NOVA1: variants seen among roughly 807,000 people sequenced by gnomAD.
The protein encoded by NOVA1 is NOVA alternative splicing regulator 1, also known as RNA-binding protein Nova-1.
NOVA1 carries 7 observed loss-of-function variants against 38.0 expected under a neutral mutation model. The ratio of observed to expected loss-of-function variants is 0.18; its 90% confidence interval spans 0.10 to 0.35. NOVA1 has a LOEUF of 0.35. Among genes scored for constraint, NOVA1 ranks in the 10% least tolerant of loss-of-function variants. NOVA1 has a pLI of 1.00. For synonymous variants in NOVA1, 270 were observed against 232.5 expected, an observed-to-expected ratio of 1.16 and a Z score of -1.47; for missense variants, 460 against 616.0, an observed-to-expected ratio of 0.75 and a Z score of 2.68.
intron 2 of NOVA1, among the ~76,000 whole-genome samples, chr14:26,486,872 C>T (rs1885958872): frequency 6.6e-6 from 1 of 151,588 alleles, no homozygotes; most frequent in Non-Finnish European, 1.5e-5. Context: ...TACTTTAATG[C>T]TTTCTTCTTA....
chr14:26,595,094 C>T (rs17111429), intron 2 of NOVA1, among the ~76,000 whole-genome samples: 1 of 152,060 alleles, frequency 6.6e-6, no homozygotes, highest in South Asian at 2.1e-4. Flanking sequence ...TCAGAAGAAC[C>T]CTATTTCCTG....
chr14:26,597,336 G>T lies in NOVA1; in HGVS notation c.101C>A (p.Pro34His). Residue 34 changes from proline (P) to histidine (H), a missense_variant, in exon 1 of 5, where the codon CCT (proline) becomes CAT (histidine). By Grantham distance (77) the Pro-to-His change is moderately conservative. Transcript: ENST00000539517. Reference sequence around the variant, plus strand: ...GGTCCTCTTGGTGCTGCCGGCTTCAGGGGGGGCTTCCAGCGGCCTTTTCCG... The same window carrying T: ...GGTCCTCTTGGTGCTGCCGGCTTCATGGGGGGCTTCCAGCGGCCTTTTCCG... Reference protein sequence around the residue: ...DSRKRPLEAPPEAGSTKRTNT... With the variant: ...DSRKRPLEAPHEAGSTKRTNT... 3.2e-6 allele frequency: 4 copies of T among 1,261,256 alleles called. No homozygotes were observed. The East Asian group carries it at 8.9e-5, about 28-fold the overall frequency. 78.1% of individuals were successfully genotyped at this position (1,261,256 alleles called of 1,614,324 possible).
At chr14:26,539,885 C>G (rs1890349529) in intron 2 of NOVA1, among the ~76,000 whole-genome samples, 1 of 151,816 alleles carries the variant, frequency 6.6e-6, no homozygotes, top group Non-Finnish European at 1.5e-5. Flanking sequence ...AAAAAACAAG[C>G]TATCTCTAAA....
intron 2 of NOVA1, among the ~76,000 whole-genome samples, chr14:26,529,113 AATG>A (rs1889511168): frequency 6.6e-6 from 1 of 151,056 alleles, no homozygotes; most frequent in Non-Finnish European, 1.5e-5. Flanking sequence ...TGTAGTATCT[AATG>A]AAGTGGTTAT....
chr14:26,444,071 A>C lies in NOVA1; in HGVS notation c.*3888T>G, dbSNP rs912864754. ...TCAGTGAGGAATCAGCATATAAATCAAGACTGAAATATAAGAATGGATTAA... is the reference window on the plus strand; with the variant it reads ...TCAGTGAGGAATCAGCATATAAATCCAGACTGAAATATAAGAATGGATTAA... On this transcript the variant is annotated 3_prime_UTR_variant, in exon 5 of 5. Coordinates refer to ENST00000539517, the MANE Select transcript of NOVA1 (RefSeq NM_002515.3). The C allele has an allele frequency of 6.6e-6, 1 of 152,118 alleles. No individual in the cohort carries two copies. Among genetic ancestry groups the C allele is most frequent in the South Asian group, 2.1e-4 (1 of 4,832 alleles). 9.4% of individuals were successfully genotyped at this position (152,118 alleles called of 1,614,324 possible).
intron 2 of NOVA1, among the ~76,000 whole-genome samples, chr14:26,582,486 G>A (rs1893282078): frequency 6.6e-6 from 1 of 151,742 alleles, no homozygotes; most frequent in South Asian, 2.1e-4. Context: ...TCACTGCCAA[G>A]ACTCCATAGA....
intron 2 of NOVA1, among the ~76,000 whole-genome samples, chr14:26,523,637 T>C (rs934474680): frequency 4.6e-5 from 7 of 152,184 alleles, no homozygotes; most frequent in Non-Finnish European, 8.8e-5. Flanking sequence ...AGTATGGTTG[T>C]ATACTAATAC....
intron 2 of NOVA1, among the ~76,000 whole-genome samples, chr14:26,501,042 G>A (rs1887210299): frequency 6.6e-6 from 1 of 151,774 alleles, no homozygotes; most frequent in South Asian, 2.1e-4. Flanking sequence ...CCACATTTTT[G>A]CATGTCAAAC....
intron 2 of NOVA1, among the ~76,000 whole-genome samples, chr14:26,584,805 T>C (rs73602001): frequency 0.027 from 4,039 of 151,512 alleles, 173 homozygotes; most frequent in African/African-American, 0.093. Flanking sequence ...CTCCCAAGAC[T>C]CTGACACTAA....
intron 2 of NOVA1, among the ~76,000 whole-genome samples, chr14:26,516,634 T>C (rs1049213867): frequency 2.0e-5 from 3 of 152,198 alleles, no homozygotes; most frequent in Admixed American, 1.3e-4. Context: ...AACTACAGTA[T>C]AAGGTAACAT....
chr14:26,480,261 A>G (rs1185019984), intron 2 of NOVA1, 118 bp from the exon 3 acceptor site: 9 of 785,156 alleles, frequency 1.1e-5, no homozygotes, highest in Non-Finnish European at 1.8e-5. Flanking sequence ...AACGTAAAAC[A>G]TTTAATTGAA....
rs563401938 is a variant in NOVA1 at position 26,597,507 on chromosome 14, C to CTTTTTTTTTTTTT, written c.-84_-72dup. The CTTTTTTTTTTTTT allele has an allele frequency of 5.4e-4, 419 of 782,210 alleles. 2 individuals carry two copies. The highest frequency in any genetic ancestry group is 4.5e-3 in the Admixed American group (20 of 4,470). The allele number at this position is 782,210 out of a possible 1,614,324, so 48.5% of individuals were successfully genotyped here. ...GTTTTGGCTTTTTCTTTTCTTTTTT[C>CTTTTTTTTTTTTT]TTTTTTTTTTTTTTTTTTTTTTGCG... On this transcript the variant is annotated 5_prime_UTR_variant, in exon 1 of 5. Coordinates refer to ENST00000539517, the MANE Select transcript of NOVA1 (RefSeq NM_002515.3).
chr14:26,500,283 C>T (rs1566482009), intron 2 of NOVA1, among the ~76,000 whole-genome samples: 2 of 151,966 alleles, frequency 1.3e-5, no homozygotes, highest in Non-Finnish European at 2.9e-5. Context: ...GCATATGTGT[C>T]AAATACTTAC....
At chr14:26,570,329 G>A (rs1198487955) in intron 2 of NOVA1, among the ~76,000 whole-genome samples, 1 of 151,820 alleles carries the variant, frequency 6.6e-6, no homozygotes, top group East Asian at 1.9e-4. Flanking sequence ...CCTGGGCAAC[G>A]GAGTGAGACT....
intron 2 of NOVA1, 147 bp from the exon 3 acceptor site, chr14:26,480,290 T>C: frequency 1.5e-6 from 1 of 679,762 alleles, no homozygotes; most frequent in Non-Finnish European, 2.4e-6. Flanking sequence ...AATATATACA[T>C]GTCTCTTCTC....
chr14:26,564,161 C>G (rs574951474), intron 2 of NOVA1, among the ~76,000 whole-genome samples: 2 of 152,112 alleles, frequency 1.3e-5, no homozygotes, highest in South Asian at 4.1e-4. Context: ...CTTTAATTAT[C>G]TGGAAAACAC....
intron 2 of NOVA1, among the ~76,000 whole-genome samples, chr14:26,488,124 T>C (rs1886060419): frequency 6.6e-6 from 1 of 152,150 alleles, no homozygotes; most frequent in African/African-American, 2.4e-5. Context: ...CTCTAGGTGA[T>C]TAACTCTACA....
chr14:26,533,159 A>G (rs1889839569), intron 2 of NOVA1, among the ~76,000 whole-genome samples: 1 of 152,254 alleles, frequency 6.6e-6, no homozygotes, highest in African/African-American at 2.4e-5. Flanking sequence ...TACAACTGAC[A>G]GGAAGTTAGA....
At position 26,446,636 on chromosome 14, in the gene NOVA1, C is replaced by T. The variant is rs1882100409; in HGVS notation, c.*1323G>A. 6.5e-6 allele frequency: 1 copy of T among 152,758 alleles called. No individual in the cohort carries two copies. Among genetic ancestry groups the T allele is most frequent in the African/African-American group, 2.4e-5 (1 of 41,432 alleles). The allele number at this position is 152,758 out of a possible 1,614,324, so 9.5% of individuals were successfully genotyped here. On this transcript the variant is annotated 3_prime_UTR_variant, in exon 5 of 5. Coordinates refer to ENST00000539517, the MANE Select transcript of NOVA1 (RefSeq NM_002515.3). ...CTATGAGTGGCCTTGAGTGGGCAAA[C>T]TCAGAGGTTAACAGATGGTGTGTCA... is the stretch of plus-strand genomic sequence containing the variant.
Sources: gnomAD v4.1 joint callset for allele counts (sites outside exome capture counted in the v4.1 genomes callset) on GRCh38, gnomAD v4.1.1 for gene constraint, MANE v1.5 for transcripts, NCBI Gene and HGNC (gene_info 2026-07-23, HGNC 2026-07-21) for gene names.